The following PTCHD4 variants were observed in gnomAD, a reference collection of about 807,000 sequenced individuals.
The protein encoded by PTCHD4 is patched domain containing 4, also known as patched domain-containing protein 4.
In PTCHD4, 33 loss-of-function variants were observed where a neutral mutation model predicts 58.1. That is an observed-to-expected ratio of 0.57 (90% CI 0.43 to 0.76). The LOEUF (loss-of-function observed/expected upper bound fraction) is 0.76. Among genes scored for constraint, PTCHD4 ranks in the 30% least tolerant of loss-of-function variants. The pLI is 0.00. For missense variants in PTCHD4, 1,058 were observed against 1,027.1 expected (o/e 1.03, Z -0.41); for synonymous variants, 478 against 409.6 (o/e 1.17, Z -2.02).
intron 4 of PTCHD4, among the ~76,000 whole-genome samples, chr6:47,911,237 C>A (rs549162256): frequency 6.6e-6 from 1 of 152,132 alleles, no homozygotes; most frequent in South Asian, 2.1e-4. Flanking sequence ...CTTTTCCCTT[C>A]TTTTTCAGGC....
intron 4 of PTCHD4, among the ~76,000 whole-genome samples, chr6:47,948,532 A>G (rs960086684): frequency 6.6e-6 from 1 of 152,196 alleles, no homozygotes; most frequent in Admixed American, 6.5e-5. Context: ...TATTTTTGCT[A>G]CTATATCTGA....
At chr6:47,996,671 C>T (rs1768499771) in intron 4 of PTCHD4, among the ~76,000 whole-genome samples, 1 of 152,116 alleles carries the variant, frequency 6.6e-6, no homozygotes, top group Admixed American at 6.5e-5. Context: ...CCCTACTTAC[C>T]TCTTGGCAAA....
intron 1 of PTCHD4, among the ~76,000 whole-genome samples, chr6:48,090,712 T>C (rs1765349236): frequency 6.6e-6 from 1 of 152,192 alleles, no homozygotes; most frequent in Non-Finnish European, 1.5e-5. Context: ...CATCATAATG[T>C]AGAATGCGCA....
intron 3 of PTCHD4, among the ~76,000 whole-genome samples, chr6:48,015,541 G>A (rs553273625): frequency 6.6e-6 from 1 of 151,604 alleles, no homozygotes; most frequent in Non-Finnish European, 1.5e-5. Flanking sequence ...TATGATCATT[G>A]CATCAGCTGT....
rs1348031786 is a variant in PTCHD4 at position 47,872,036 on chromosome 6, T to C, written c.*6267A>G. ...GAATATGACGGCTTATTCTTTTTTTTTTTTCCCCAGCTCTATCAGTGTTGC... is the reference window on the plus strand; with the variant it reads ...GAATATGACGGCTTATTCTTTTTTTCTTTTCCCCAGCTCTATCAGTGTTGC... On this transcript the variant is annotated 3_prime_UTR_variant, in exon 5 of 5. Transcript: ENST00000339488. 1.3e-5 allele frequency among the ~76,000 whole-genome samples: 2 copies of C among 151,364 alleles called. No individual in the cohort carries two copies.
chr6:48,110,143 G>A (rs985358887), intron 1 of PTCHD4, among the ~76,000 whole-genome samples: 1 of 152,116 alleles, frequency 6.6e-6, no homozygotes, highest in Non-Finnish European at 1.5e-5. Flanking sequence ...GCGTGTCCAA[G>A]AGATATTTGT....
At chr6:48,088,886 A>C (rs1328414380) in intron 1 of PTCHD4, among the ~76,000 whole-genome samples, 1 of 152,120 alleles carries the variant, frequency 6.6e-6, no homozygotes, top group Non-Finnish European at 1.5e-5. Context: ...TCTCCTAAAA[A>C]TACAAAAAAT....
chr6:48,100,254 A>G (rs1289951416), intron 1 of PTCHD4, among the ~76,000 whole-genome samples: 2 of 152,202 alleles, frequency 1.3e-5, no homozygotes, highest in East Asian at 3.9e-4. Flanking sequence ...ATATCTTCAA[A>G]TATGTATTAA....
chr6:47,981,236 G>A (rs1354242672), intron 4 of PTCHD4, among the ~76,000 whole-genome samples: 1 of 151,760 alleles, frequency 6.6e-6, no homozygotes, highest in East Asian at 1.9e-4. Flanking sequence ...TCCTATTTTT[G>A]TTCTTTTTGT....
chr6:48,079,424 T>C (rs915928383), intron 1 of PTCHD4, among the ~76,000 whole-genome samples: 4 of 152,154 alleles, frequency 2.6e-5, no homozygotes, highest in Admixed American at 2.6e-4. Flanking sequence ...AACTGGGATG[T>C]TGCCACTTAA....
At chr6:47,890,147 A>G (rs957792571) in intron 4 of PTCHD4, among the ~76,000 whole-genome samples, 4 of 151,840 alleles carry the variant, frequency 2.6e-5, no homozygotes, top group African/African-American at 9.7e-5. Context: ...GTGTTTATGT[A>G]TGCATGTGTG....
At chr6:48,053,355 T>C (rs1467597617) in intron 3 of PTCHD4, among the ~76,000 whole-genome samples, 2 of 152,182 alleles carry the variant, frequency 1.3e-5, no homozygotes, top group African/African-American at 4.8e-5. Context: ...ATTTGACATA[T>C]ACTTATCTCT....
intron 3 of PTCHD4, among the ~76,000 whole-genome samples, chr6:48,055,063 T>A (rs1157749571): frequency 6.6e-6 from 1 of 152,192 alleles, no homozygotes; most frequent in Non-Finnish European, 1.5e-5. Flanking sequence ...TAGATTTGTC[T>A]ATTTCCTATG....
At chr6:47,935,543 C>T (rs1765968948) in intron 4 of PTCHD4, among the ~76,000 whole-genome samples, 1 of 152,102 alleles carries the variant, frequency 6.6e-6, no homozygotes, top group African/African-American at 2.4e-5. Flanking sequence ...AGGCCTCAAA[C>T]CCCAAGAAAG....
chr6:48,080,086 C>T (rs1425307803), intron 1 of PTCHD4, among the ~76,000 whole-genome samples: 1 of 136,520 alleles, frequency 7.3e-6, no homozygotes, highest in Non-Finnish European at 1.5e-5. Flanking sequence ...GACTTTGTTT[C>T]AAATAGAGAT....
chr6:47,919,507 G>A (rs1182778165), intron 4 of PTCHD4, among the ~76,000 whole-genome samples: 2 of 152,128 alleles, frequency 1.3e-5, no homozygotes, highest in African/African-American at 4.8e-5. Context: ...ATGATAAGAA[G>A]GAGTTAAATA....
At chr6:47,956,519 C>T (rs543115237) in intron 4 of PTCHD4, among the ~76,000 whole-genome samples, 25 of 151,944 alleles carry the variant, frequency 1.6e-4, no homozygotes, top group African/African-American at 5.8e-4. Context: ...CTGCAAGCTC[C>T]ACCTCCTGGG....
chr6:48,104,858 C>T (rs1765685855), intron 1 of PTCHD4, among the ~76,000 whole-genome samples: 1 of 151,960 alleles, frequency 6.6e-6, no homozygotes, highest in South Asian at 2.1e-4. Flanking sequence ...ACAAAGAAGG[C>T]CATTACATAA....
In PTCHD4 at chr6:47,895,341, C is replaced by T. The variant is rs373844245; in HGVS notation, c.899-15405G>A. On this transcript the variant is annotated intron_variant, in intron 4 of 4. Coordinates refer to ENST00000339488, the MANE Select transcript of PTCHD4 (RefSeq NM_001384253.1). Reference sequence around the variant, plus strand: ...TCAGTAGTTACAGAACAAAATAAAACAGGTCCACATTGTTTCTTTTCAGAC... The same window carrying T: ...TCAGTAGTTACAGAACAAAATAAAATAGGTCCACATTGTTTCTTTTCAGAC... Among the ~76,000 whole-genome samples the T allele has an allele frequency of 1.2e-4, 19 of 152,130 alleles. 1 individual carries two copies. The East Asian group carries it at 2.1e-3, about 17-fold the overall frequency.
Sources: gnomAD v4.1 joint callset for allele counts (sites outside exome capture counted in the v4.1 genomes callset) on GRCh38, gnomAD v4.1.1 for gene constraint, MANE v1.5 for transcripts, NCBI Gene and HGNC (gene_info 2026-07-23, HGNC 2026-07-21) for gene names.